TTC7B: variants seen among roughly 807,000 people sequenced by gnomAD.
TTC7B encodes the protein tetratricopeptide repeat domain 7B.
A neutral mutation model predicts 106.8 loss-of-function variants in TTC7B; 28 were observed. The observed-to-expected ratio is 0.26, with a 90% CI of 0.19 to 0.36. The LOEUF (loss-of-function observed/expected upper bound fraction) is 0.36, where lower values mean the gene tolerates loss of function less well. Among genes scored for constraint, TTC7B ranks in the 10% least tolerant of loss-of-function variants. The pLI is 1.00. For synonymous variants in TTC7B, 405 were observed against 430.6 expected (o/e 0.94, Z 0.74); for missense variants, 862 against 1,076.4 (o/e 0.80, Z 2.79).
At chr14:90,736,413 A>G (rs1889530160) in intron 4 of TTC7B, among the ~76,000 whole-genome samples, 1 of 152,116 alleles carries the variant, frequency 6.6e-6, no homozygotes, top group African/African-American at 2.4e-5. Context: ...TCTACTAAAA[A>G]TACAAAAAAA....
At chr14:90,701,752 G>C (rs1037647636) in intron 5 of TTC7B, among the ~76,000 whole-genome samples, 15 of 149,344 alleles carry the variant, frequency 1.0e-4, no homozygotes, top group Admixed American at 6.0e-4. Flanking sequence ...ATATATCTGT[G>C]TGTGTGTGTA....
chr14:90,657,318 T>C lies in TTC7B; in HGVS notation c.1237-40A>G, dbSNP rs781189781. The C allele has an allele frequency of 7.5e-6, 12 of 1,598,982 alleles. No homozygotes were observed. Among genetic ancestry groups the C allele is most frequent in the Non-Finnish European group, 1.0e-5 (12 of 1,171,256 alleles). ...ATTATTTCCGTGAAACTCAAAGTGT[T>C]TGACAGAACCGAATACTACAGCCTT... On this transcript the variant is annotated intron_variant, in intron 10 of 19. Coordinates refer to ENST00000328459, the MANE Select transcript of TTC7B (RefSeq NM_001010854.2). The surrounding 1 kb of genome is among the most constrained non-coding windows in gnomAD (Gnocchi z 4.2).
intron 15 of TTC7B, among the ~76,000 whole-genome samples, chr14:90,634,910 CT>C (rs1884866520): frequency 6.6e-6 from 1 of 152,166 alleles, no homozygotes; most frequent in African/African-American, 2.4e-5. Flanking sequence ...GGATTCACCC[CT>C]AGATGTGTCA....
At chr14:90,546,176 T>C (rs1419365766) in intron 19 of TTC7B, among the ~76,000 whole-genome samples, 1 of 152,200 alleles carries the variant, frequency 6.6e-6, no homozygotes, top group Non-Finnish European at 1.5e-5. Flanking sequence ...CCAGCACAGC[T>C]AGAGGACTGG....
At chr14:90,743,458 C>G (rs1889844971) in intron 4 of TTC7B, among the ~76,000 whole-genome samples, 1 of 152,126 alleles carries the variant, frequency 6.6e-6, no homozygotes, top group Admixed American at 6.5e-5. Flanking sequence ...TTTACAAAAA[C>G]AAGGAGCCCA....
At chr14:90,673,450 C>T (rs965790051) in intron 9 of TTC7B, among the ~76,000 whole-genome samples, 4 of 152,248 alleles carry the variant, frequency 2.6e-5, no homozygotes, top group East Asian at 1.9e-4. Flanking sequence ...AGAAGGAGCG[C>T]GGGTCTGTCG....
intron 18 of TTC7B, among the ~76,000 whole-genome samples, chr14:90,585,209 T>A (rs1343755628): frequency 6.6e-6 from 1 of 152,148 alleles, no homozygotes; most frequent in East Asian, 1.9e-4. Flanking sequence ...CTGCCATTAG[T>A]CTCTGAGTCT....
rs958451460 is a variant in TTC7B, at chr14:90,540,802, C to T, written c.*566G>A. 3.2e-5 allele frequency: 5 copies of T among 153,858 alleles called. No individual in the cohort carries two copies. The highest frequency in any genetic ancestry group is 5.9e-5 in the Non-Finnish European group (4 of 68,170). The allele number at this position is 153,858 out of a possible 1,614,324, so 9.5% of individuals were successfully genotyped here. On this transcript the variant is annotated 3_prime_UTR_variant, in exon 20 of 20. Coordinates refer to ENST00000328459, the MANE Select transcript of TTC7B (RefSeq NM_001010854.2). ...TATATTGGTAAAATATAAATATTCT[C>T]GGACTCAGGCTTTGTTCTAAGTGAG...
intron 4 of TTC7B, among the ~76,000 whole-genome samples, chr14:90,734,844 C>T (rs979964185): frequency 2.0e-5 from 3 of 152,102 alleles, no homozygotes; most frequent in African/African-American, 7.2e-5. Flanking sequence ...AGTACAGTGG[C>T]ACGATCTCGG....
At chr14:90,709,527 G>A (rs1888352009) in intron 5 of TTC7B, among the ~76,000 whole-genome samples, 2 of 127,964 alleles carry the variant, frequency 1.6e-5, no homozygotes, top group South Asian at 2.9e-4. Context: ...CACACACCGG[G>A]GACTGTTGTG....
intron 17 of TTC7B, among the ~76,000 whole-genome samples, chr14:90,606,551 CA>C (rs751397867): frequency 3.9e-5 from 6 of 152,112 alleles, no homozygotes; most frequent in Non-Finnish European, 8.8e-5. Flanking sequence ...AAGGAACTAC[CA>C]ACTTATTCCA....
chr14:90,751,722 C>T (rs1744380060), intron 3 of TTC7B, among the ~76,000 whole-genome samples: 1 of 151,984 alleles, frequency 6.6e-6, no homozygotes, highest in Admixed American at 6.6e-5. Flanking sequence ...GAGCCACTGG[C>T]CCCAGCCTAG....
At chr14:90,669,321 A>G (rs575047513) in intron 9 of TTC7B, among the ~76,000 whole-genome samples, 24 of 152,350 alleles carry the variant, frequency 1.6e-4, no homozygotes, top group Non-Finnish European at 1.5e-5. Context: ...CTTAGTTATG[A>G]CACCAAAGGC....
intron 7 of TTC7B, among the ~76,000 whole-genome samples, chr14:90,687,051 G>A (rs1261183928): frequency 6.6e-6 from 1 of 150,920 alleles, no homozygotes; most frequent in African/African-American, 2.4e-5. Flanking sequence ...GCAAGGGCTT[G>A]GGAGACAGGA....
At chr14:90,652,227 G>A (rs531515524) in intron 13 of TTC7B, among the ~76,000 whole-genome samples, 4 of 152,280 alleles carry the variant, frequency 2.6e-5, no homozygotes, top group East Asian at 1.9e-4. Context: ...CTGCCTGTCC[G>A]TCTTCCTCAC....
Position 90,657,022 on chromosome 14 carries a change from G to T in TTC7B, c.1341+152C>A. The stretch of plus-strand genomic sequence containing the variant: ...TGGATGAGGCCTGAGGAGGCCAGGG[G>T]CCCAGGCCCAGGGTCCGTGGCTCTA... On this transcript the variant is annotated intron_variant, in intron 11 of 19. Transcript: ENST00000328459. This position sits in a 1 kb window ranked among gnomAD's most constrained non-coding sequence, Gnocchi z 4.2. 1 of 655,050 alleles carries T rather than the reference G, an allele frequency of 1.5e-6. No homozygotes were observed. Among genetic ancestry groups the T allele is most frequent in the Non-Finnish European group, 2.6e-6 (1 of 389,926 alleles). The allele number at this position is 655,050 out of a possible 1,614,324, so 40.6% of individuals were successfully genotyped here.
intron 19 of TTC7B, among the ~76,000 whole-genome samples, chr14:90,557,959 C>T (rs984537818): frequency 1.3e-5 from 2 of 152,372 alleles, no homozygotes; most frequent in Admixed American, 6.5e-5. Flanking sequence ...ATCGCTGCAT[C>T]TCCTGACACC....
intron 9 of TTC7B, among the ~76,000 whole-genome samples, chr14:90,672,462 C>T (rs1886671357): frequency 6.6e-6 from 1 of 152,180 alleles, no homozygotes; most frequent in Non-Finnish European, 1.5e-5. Context: ...TCCATGAGAG[C>T]AAGCCCTGGG....
chr14:90,585,421 G>A (rs1369395753), intron 18 of TTC7B, among the ~76,000 whole-genome samples: 1 of 152,094 alleles, frequency 6.6e-6, no homozygotes, highest in African/African-American at 2.4e-5. Flanking sequence ...CAGCCAAGTG[G>A]ACCCCGAGCC....
Sources: gnomAD v4.1 joint callset for allele counts (sites outside exome capture counted in the v4.1 genomes callset) on GRCh38, gnomAD v4.1.1 for gene constraint, Gnocchi (gnomAD v3.1) non-coding constraint, MANE v1.5 for transcripts, NCBI Gene and HGNC (gene_info 2026-07-23, HGNC 2026-07-21) for gene names.